PRDM15: variants seen among roughly 807,000 people sequenced by gnomAD.
The protein encoded by PRDM15 is PR domain zinc finger protein 15.
Under a neutral mutation model 128.6 loss-of-function variants are expected in PRDM15, and 64 were observed. The ratio of observed to expected loss-of-function variants is 0.50; its 90% CI spans 0.41 to 0.61. The LOEUF is 0.61. Ranked by LOEUF, PRDM15 falls within the 20% of genes least tolerant of loss-of-function variation. The pLI is 0.00. For missense variants in PRDM15, 1,242 were observed against 1,569.1 expected (o/e 0.79, Z 3.52); for synonymous variants, 615 against 621.8 (o/e 0.99, Z 0.16).
intron 6 of PRDM15, among the ~76,000 whole-genome samples, chr21:41,842,335 C>CATA (rs1419550890): frequency 1.3e-5 from 2 of 152,166 alleles, no homozygotes; most frequent in African/African-American, 4.8e-5. Flanking sequence ...ATTTAGCTTT[C>CATA]TTATAGACTA....
chr21:41,817,275 T>C (rs1297939622), intron 18 of PRDM15, among the ~76,000 whole-genome samples: 2 of 152,252 alleles, frequency 1.3e-5, no homozygotes, highest in Non-Finnish European at 2.9e-5. Context: ...GCCTTTTTTA[T>C]AGCTTTCAAT....
rs373973752 is a variant in PRDM15 at position 41,834,483 on chromosome 21, G to A, written c.1366+954C>T. The A allele has an allele frequency of 7.1e-6, 11 of 1,546,906 alleles. No homozygotes were observed. In the South Asian group the frequency reaches 7.1e-5, roughly 10 times the overall value. The stretch of plus-strand genomic sequence containing the variant: ...AGACACAGAGCAGGCGGACAAGGAC[G>A]GGGTGGGCGTCGAAGGCTAACCTGG... On this transcript the variant is annotated intron_variant, in intron 11 of 23. Coordinates refer to ENST00000398548, the MANE Select transcript of PRDM15 (RefSeq NM_001040424.3).
At chr21:41,838,101 G>T in intron 7 of PRDM15, 38 bp from the exon 8 acceptor site, 1 of 1,609,050 alleles carries the variant, frequency 6.2e-7, no homozygotes. Context: ...GTAACCACAA[G>T]AGCAGGGGAC....
chr21:41,818,843 G>A (rs2062144785), intron 18 of PRDM15, among the ~76,000 whole-genome samples: 1 of 152,084 alleles, frequency 6.6e-6, no homozygotes, highest in South Asian at 2.1e-4. Flanking sequence ...TTTGTATTTT[G>A]CTTACTAAGT....
At chr21:41,818,692 A>C (rs2062140064) in intron 18 of PRDM15, among the ~76,000 whole-genome samples, 1 of 152,162 alleles carries the variant, frequency 6.6e-6, no homozygotes, top group Admixed American at 6.5e-5. Flanking sequence ...TGTTTCCAAC[A>C]CACTGTCACC....
At chr21:41,868,546 G>A (rs757403119) in intron 1 of PRDM15, among the ~76,000 whole-genome samples, 2 of 152,034 alleles carry the variant, frequency 1.3e-5, no homozygotes, top group Admixed American at 1.3e-4. Context: ...GTGAAGTGGT[G>A]TCTCCTTGTG....
At position 41,828,522 on chromosome 21, in the gene PRDM15, C is replaced by T. The variant is rs1302318913; in HGVS notation, c.1367-189G>A. Among the ~76,000 whole-genome samples, 5 of 151,926 alleles carry T rather than the reference C, an allele frequency of 3.3e-5. No individual in the cohort carries two copies. Among genetic ancestry groups the T allele is most frequent in the Admixed American group, 6.5e-5 (1 of 15,270 alleles). ...ACCCCAGGAACTCACGATGCAGAGA[C>T]GGGAACCCCGGTGCTTGAAAAGCAG... On this transcript the variant is annotated intron_variant, in intron 11 of 23. Coordinates refer to ENST00000398548, the MANE Select transcript of PRDM15 (RefSeq NM_001040424.3). This position sits in a 1 kb window ranked among gnomAD's most constrained non-coding sequence, Gnocchi z 5.7.
intron 21 of PRDM15, among the ~76,000 whole-genome samples, chr21:41,806,371 T>C (rs377340965): frequency 0.073 from 244 of 3,338 alleles, 1 homozygote; most frequent in African/African-American, 0.18. Context: ...CCACCATCAC[T>C]ACCACCATCA....
At chr21:41,868,694 CTTTT>C (rs55653735) in intron 1 of PRDM15, among the ~76,000 whole-genome samples, 1 of 125,198 alleles carries the variant, frequency 8.0e-6, no homozygotes, top group African/African-American at 3.0e-5. Flanking sequence ...TTTTCTTTTT[CTTTT>C]TTTTTTTTTT....
chr21:41,802,834 C>T lies in PRDM15; in HGVS notation c.2821G>A (p.Glu941Lys), dbSNP rs748541544. 28 of 1,614,236 alleles carry T rather than the reference C, an allele frequency of 1.7e-5. No individual in the cohort carries two copies. Among genetic ancestry groups the T allele is most frequent in the Non-Finnish European group, 2.3e-5 (27 of 1,180,034 alleles). Residue 941 changes from glutamate to lysine, a missense_variant, in exon 23 of 24, where the codon GAA becomes AAA. By Grantham distance (56) the Glu-to-Lys change is moderately conservative (BLOSUM62 1). Coordinates refer to ENST00000398548, the MANE Select transcript of PRDM15 (RefSeq NM_001040424.3). ...GGCACCGGAGCACCCGCCTCCTCTT[C>T]TGGCTTCTGCTTTCTCTTGTGACTT... ...KRSHKRKQKP[E>K]EEAGAPVPED...
chr21:41,868,694 C>CTTTTT (rs55653735), intron 1 of PRDM15, among the ~76,000 whole-genome samples: 12 of 125,192 alleles, frequency 9.6e-5, no homozygotes, highest in East Asian at 2.3e-4. Flanking sequence ...TTTTCTTTTT[C>CTTTTT]TTTTTTTTTT....
intron 14 of PRDM15, among the ~76,000 whole-genome samples, chr21:41,822,541 A>G (rs1043351417): frequency 1.4e-4 from 22 of 152,278 alleles, no homozygotes; most frequent in African/African-American, 5.3e-4. Flanking sequence ...GTTGGGCCAC[A>G]GGAGGTGAGG....
At chr21:41,864,223 G>C (rs1421864691) in intron 1 of PRDM15, among the ~76,000 whole-genome samples, 1 of 152,084 alleles carries the variant, frequency 6.6e-6, no homozygotes, top group Non-Finnish European at 1.5e-5. Flanking sequence ...GTTAGTGCAG[G>C]AACAACTGGG....
intron 1 of PRDM15, chr21:41,861,620 AGT>A: frequency 6.2e-7 from 1 of 1,614,048 alleles, no homozygotes; most frequent in Non-Finnish European, 8.5e-7. Flanking sequence ...GGTTTAGGAA[AGT>A]GTGCATGCTG....
Position 41,836,531 on chromosome 21 carries a change from A to T in PRDM15, c.1120T>A (p.Cys374Ser). 6.2e-7 allele frequency: 1 copy of T among 1,612,752 alleles called. No homozygotes were observed. Among genetic ancestry groups the T allele is most frequent in the Non-Finnish European group, 8.5e-7 (1 of 1,179,950 alleles). Residue 374 changes from cysteine to serine, a missense_variant, in exon 9 of 24, where the codon TGC becomes AGC. By Grantham distance (112) the Cys-to-Ser change is moderately radical (BLOSUM62 -1). Around this residue, in one of 3 missense-constraint regions of PRDM15, gnomAD observed 612 missense variants for 717.0 expected, o/e 0.85. Transcript: ENST00000398548. ...TGGAAGATCTTGCTGCAGATATTGC[A>T]CTGGTAAACCCGCTTGTGCTCCCCG... ...QLGEHKRVYQ[C>S]NICSKIFQNS...
chr21:41,865,566 C>T (rs112240338), intron 1 of PRDM15, among the ~76,000 whole-genome samples: 14,291 of 152,190 alleles, frequency 0.094, 861 homozygotes, highest in Non-Finnish European at 0.14. Context: ...TCCCCTCAGT[C>T]CACCATGGGG....
At chr21:41,878,998 G>A (rs1248087085) in intron 1 of PRDM15, 23 of 1,006,438 alleles carry the variant, frequency 2.3e-5, no homozygotes, top group Non-Finnish European at 2.6e-5. Flanking sequence ...GGCGGGACCC[G>A]GCGGGCGGGC....
rs374036436 is a variant in PRDM15 at position 41,841,330 on chromosome 21, T to C, written c.641-1477A>G. 6.6e-5 allele frequency among the ~76,000 whole-genome samples: 10 copies of C among 152,252 alleles called. No homozygotes were observed. The East Asian group carries it at 1.2e-3, about 18-fold the overall frequency. ...GTGACAGCAGACTTACCAAGAATAA[T>C]AATGGAAGGCATAAAGTAGCATAAC... On this transcript the variant is annotated intron_variant, in intron 6 of 23. Transcript: ENST00000398548.
rs2061391498 is a variant in PRDM15 at position 41,800,531 on chromosome 21, T to C, written c.*709A>G. On this transcript the variant is annotated 3_prime_UTR_variant, in exon 24 of 24. Transcript: ENST00000398548. ...AAAAAAAAAAAGGAAAAAAACTCTA[T>C]TGGAAATCGATTCATGGATATTACT... The C allele has an allele frequency of 6.6e-6, 1 of 152,182 alleles. No individual in the cohort carries two copies. The highest frequency in any genetic ancestry group is 6.5e-5 in the Admixed American group (1 of 15,282). 9.4% of individuals were successfully genotyped at this position (152,182 alleles called of 1,614,324 possible).
Sources: allele counts gnomAD v4.1 joint callset (sites outside exome capture counted in the v4.1 genomes callset), GRCh38; gene constraint gnomAD v4.1.1; regional missense constraint gnomAD v4.1.1; non-coding constraint Gnocchi (gnomAD v3.1); transcripts MANE v1.5; gene names NCBI Gene and HGNC (gene_info 2026-07-23, HGNC 2026-07-21).